Variants in HSPA12A observed in about 807,000 individuals in gnomAD.
HSPA12A encodes heat shock 70 kDa protein 12A.
Under a neutral mutation model 69.2 loss-of-function variants are expected in HSPA12A, and 28 were observed. That is an observed-to-expected ratio of 0.40 (90% CI 0.30 to 0.55). HSPA12A has a LOEUF of 0.55. Ranked by LOEUF, HSPA12A falls within the 20% of genes least tolerant of loss-of-function variation. The probability of loss-of-function intolerance (pLI) is 0.38; values close to 1 mark genes in which losing one functional copy is unlikely to be tolerated. For synonymous variants in HSPA12A, 345 were observed against 370.5 expected (o/e 0.93, Z 0.79); for missense variants, 686 against 900.7 (o/e 0.76, Z 3.05).
At chr10:116,789,707 A>G (rs1230212553) in intron 2 of HSPA12A, among the ~76,000 whole-genome samples, 1 of 152,108 alleles carries the variant, frequency 6.6e-6, no homozygotes, top group African/African-American at 2.4e-5. Context: ...CATCCAGGAT[A>G]TTGACTATCA....
chr10:116,702,130 G>GAGAT (rs1850094184), intron 3 of HSPA12A, among the ~76,000 whole-genome samples: 1 of 82,538 alleles, frequency 1.2e-5, no homozygotes, highest in African/African-American at 4.2e-5. Flanking sequence ...GACAGAGAGA[G>GAGAT]AGAGAGAGAG....
intron 2 of HSPA12A, among the ~76,000 whole-genome samples, chr10:116,770,087 G>A (rs1844167410): frequency 6.6e-6 from 1 of 152,202 alleles, no homozygotes; most frequent in African/African-American, 2.4e-5. Flanking sequence ...TGCTGAACAT[G>A]CCGTCATAGT....
intron 2 of HSPA12A, among the ~76,000 whole-genome samples, chr10:116,769,458 G>A (rs564713720): frequency 1.3e-5 from 2 of 152,306 alleles, no homozygotes; most frequent in Admixed American, 6.5e-5. Flanking sequence ...TGGGGTGAAA[G>A]GTCCCCACCT....
chr10:116,826,022 TG>T (rs1845498163), intron 2 of HSPA12A, among the ~76,000 whole-genome samples: 1 of 152,156 alleles, frequency 6.6e-6, no homozygotes, highest in Non-Finnish European at 1.5e-5. Flanking sequence ...TGTGAAGGGC[TG>T]TCACATGGAA....
At chr10:116,819,097 A>G (rs1413793323) in intron 2 of HSPA12A, among the ~76,000 whole-genome samples, 1 of 151,936 alleles carries the variant, frequency 6.6e-6, no homozygotes, top group Admixed American at 6.6e-5. Flanking sequence ...CCTCTTCTTC[A>G]CAAGCAGCAC....
rs2133233068 is a variant in HSPA12A at position 116,849,034 on chromosome 10, T to G, written c.3+532A>C. The stretch of plus-strand genomic sequence containing the variant: ...AATTCCTGAGATCGCCACCGCTCAG[T>G]AAGGATGCCCTGAGCCCCTACATCC... On this transcript the variant is annotated intron_variant, in intron 1 of 12. Coordinates refer to the HSPA12A transcript ENST00000635765. Among the ~76,000 whole-genome samples the G allele has an allele frequency of 1.3e-5, 2 of 152,218 alleles. 1 individual carries two copies. Among genetic ancestry groups the G allele is most frequent in the South Asian group, 4.1e-4 (2 of 4,826 alleles).
chr10:116,712,853 A>C (rs1850477558), intron 1 of HSPA12A, among the ~76,000 whole-genome samples: 1 of 151,706 alleles, frequency 6.6e-6, no homozygotes, highest in Non-Finnish European at 1.5e-5. Context: ...GGTCTCAACA[A>C]TAGTGACATT....
In HSPA12A at chr10:116,683,839, C is replaced by A; in HGVS notation, c.787G>T (p.Val263Phe). The part of the protein sequence containing the change: ...QMIELSSKAA[V>F]NGYSGSDTVG... ...GTGTCACTGCCGCTGTACCCATTGA[C>A]GGCTGCCTTGCTGCTCAGCTCAATC... Residue 263 changes from valine (V) to phenylalanine (F), a missense_variant, in exon 7 of 12, where the codon GTC (valine) becomes TTC (phenylalanine). Transcript: ENST00000369209. 6.3e-7 allele frequency: 1 copy of A among 1,594,360 alleles called. No individual in the cohort carries two copies. The highest frequency in any genetic ancestry group is 8.6e-7 in the Non-Finnish European group (1 of 1,164,466).
rs782027369 is a variant in HSPA12A at position 116,707,272 on chromosome 10, T to C, written c.54A>G (p.Thr18=). 6.8e-6 allele frequency: 11 copies of C among 1,612,134 alleles called. No individual in the cohort carries two copies. The highest frequency in any genetic ancestry group is 4.2e-6 in the Non-Finnish European group (5 of 1,179,486). ...GSDGPRETAP[T]SAYSSPARSL... ...TCCGGGCTGGAGATGAATATGCAGA[T>C]GTGGGAGCCGTTTCTGAAAGGAAAA... Residue 18 remains threonine (T), a synonymous_variant, in exon 2 of 12, where the codon ACA becomes ACG. Coordinates refer to ENST00000369209, the MANE Select transcript of HSPA12A (RefSeq NM_025015.3).
chr10:116,745,954 C>T (rs998945240), upstream of HSPA12A, among the ~76,000 whole-genome samples: 4 of 152,148 alleles, frequency 2.6e-5, no homozygotes, highest in Admixed American at 1.3e-4. Context: ...GAGACCAGAA[C>T]TCAGGTCTCT....
intron 2 of HSPA12A, among the ~76,000 whole-genome samples, chr10:116,756,958 A>G (rs957292132): frequency 2.6e-5 from 4 of 152,322 alleles, no homozygotes; most frequent in Non-Finnish European, 4.4e-5. Flanking sequence ...TCCATGGCGT[A>G]TGTAACTCAT....
At chr10:116,684,015 C>A in intron 6 of HSPA12A, 53 bp from the exon 7 acceptor site, 1 of 1,447,848 alleles carries the variant, frequency 6.9e-7, no homozygotes. Flanking sequence ...CCGGCCTGCT[C>A]CTAGGACACC....
At chr10:116,841,560 T>A (rs1390984396) in intron 1 of HSPA12A, among the ~76,000 whole-genome samples, 1 of 152,166 alleles carries the variant, frequency 6.6e-6, no homozygotes, top group Non-Finnish European at 1.5e-5. Context: ...ATCTAACATA[T>A]TAGAGATTCA....
intron 2 of HSPA12A, among the ~76,000 whole-genome samples, chr10:116,801,291 T>C (rs1289661493): frequency 6.6e-6 from 1 of 152,258 alleles, no homozygotes; most frequent in Non-Finnish European, 1.5e-5. Context: ...TGGTGTGTTT[T>C]ACTTCTCAAT....
chr10:116,758,705 T>C (rs1406189257), intron 2 of HSPA12A, among the ~76,000 whole-genome samples: 4 of 152,036 alleles, frequency 2.6e-5, no homozygotes, highest in Admixed American at 6.5e-5. Context: ...AGAAATAATA[T>C]ATATATATTT....
intron 2 of HSPA12A, among the ~76,000 whole-genome samples, chr10:116,780,991 G>C (rs539830377): frequency 6.6e-5 from 10 of 152,324 alleles, no homozygotes; most frequent in Admixed American, 4.6e-4. Context: ...CTGGCTGGGT[G>C]CAGTGATTCA....
intron 2 of HSPA12A, among the ~76,000 whole-genome samples, chr10:116,825,706 G>T (rs1474863378): frequency 6.6e-6 from 1 of 152,182 alleles, no homozygotes; most frequent in Non-Finnish European, 1.5e-5. Context: ...ATTGGTGGGG[G>T]AAACGAGGAG....
Position 116,672,217 on chromosome 10 carries a change from A to G in HSPA12A, c.*2564T>C, listed in dbSNP as rs1339114904. 2 of 152,250 alleles carry G rather than the reference A, an allele frequency of 1.3e-5. No individual in the cohort carries two copies. The highest frequency in any genetic ancestry group is 4.8e-5 in the African/African-American group (2 of 41,442). The allele number at this position is 152,250 out of a possible 1,614,324, so 9.4% of individuals were successfully genotyped here. A position where few individuals can be genotyped will look rare whatever the true frequency, so the allele number is the denominator to read the frequency against. On this transcript the variant is annotated 3_prime_UTR_variant, in exon 12 of 12. Coordinates refer to ENST00000369209, the MANE Select transcript of HSPA12A (RefSeq NM_025015.3). ...TCTTTGACCCTAGCATCCTGAAAACATCACACACAGTGGACCACGCTTTGC... is the reference window on the plus strand; with the variant it reads ...TCTTTGACCCTAGCATCCTGAAAACGTCACACACAGTGGACCACGCTTTGC...
intron 2 of HSPA12A, chr10:116,830,010 G>C (rs541573717): frequency 6.6e-6 from 1 of 152,326 alleles, no homozygotes; most frequent in African/African-American, 2.4e-5. Flanking sequence ...AACGAAACTC[G>C]TGTTCACCAC....
Sources: gnomAD v4.1 joint callset for allele counts (sites outside exome capture counted in the v4.1 genomes callset) on GRCh38, gnomAD v4.1.1 for gene constraint, MANE v1.5 for transcripts, NCBI Gene and HGNC (gene_info 2026-07-23, HGNC 2026-07-21) for gene names.